Variants in CLVS1 observed in about 807,000 individuals in gnomAD.
CLVS1 encodes the protein clavesin 1, also known as clavesin-1.
In CLVS1, 10 loss-of-function variants were observed where a neutral mutation model predicts 33.1. The observed-to-expected ratio is 0.30, with a 90% CI of 0.19 to 0.51. The LOEUF is 0.51. Ranked by LOEUF, CLVS1 falls within the 20% of genes least tolerant of loss-of-function variation. The pLI, the probability that CLVS1 is intolerant of heterozygous loss-of-function variation, is 0.97. For synonymous variants in CLVS1, 163 were observed against 166.1 expected, an observed-to-expected ratio of 0.98 and a Z score of 0.14; for missense variants, 343 against 433.4, an observed-to-expected ratio of 0.79 and a Z score of 1.85.
At chr8:61,082,931 G>A (rs1030664223) in intron 1 of CLVS1, among the ~76,000 whole-genome samples, 1 of 152,090 alleles carries the variant, frequency 6.6e-6, no homozygotes, top group Non-Finnish European at 1.5e-5. Flanking sequence ...CAGCTACTAA[G>A]GAGGGTGAGA....
intron 2 of CLVS1, among the ~76,000 whole-genome samples, chr8:61,338,071 T>C (rs1047412727): frequency 1.3e-5 from 2 of 152,188 alleles, no homozygotes; most frequent in Non-Finnish European, 2.9e-5. Context: ...TTCAACAATG[T>C]TCAGTCTTTA....
At chr8:61,261,902 G>A (rs562729365) in intron 2 of CLVS1, among the ~76,000 whole-genome samples, 3 of 151,946 alleles carry the variant, frequency 2.0e-5, no homozygotes, top group Admixed American at 1.3e-4. Flanking sequence ...TTCAGGCAAG[G>A]TACCCACTCT....
At chr8:61,357,119 A>G (rs1383520755) in intron 2 of CLVS1, among the ~76,000 whole-genome samples, 2 of 152,138 alleles carry the variant, frequency 1.3e-5, no homozygotes, top group Non-Finnish European at 2.9e-5. Flanking sequence ...CTCCTTGAAG[A>G]GATCCTTCAC....
chr8:61,269,492 C>T (rs1196441254), intron 2 of CLVS1, among the ~76,000 whole-genome samples: 142 of 152,056 alleles, frequency 9.3e-4, no homozygotes, highest in African/African-American at 3.3e-3. Flanking sequence ...ATTGACTTGG[C>T]GATGCGGACT....
rs188754015 is a variant in CLVS1 at position 61,099,282 on chromosome 8, C to T, written c.-242-32488C>T. Among the ~76,000 whole-genome samples the T allele has an allele frequency of 4.6e-5, 7 of 152,070 alleles. No individual in the cohort carries two copies. The East Asian group carries it at 7.7e-4, about 17-fold the overall frequency. On this transcript the variant is annotated intron_variant, in intron 1 of 2. Coordinates refer to the CLVS1 transcript ENST00000522621. ...CATCCAAAAGGAGAGTTAATGTTTG[C>T]GGAGCCACTGAAGGCCTGGGATGGG... is the stretch of plus-strand genomic sequence containing the variant.
At chr8:60,966,481 C>T in the CLVS1 span, 1 of 432,980 alleles carries the variant, frequency 2.3e-6, no homozygotes, top group Non-Finnish European at 4.6e-6. Flanking sequence ...TAAATTATAG[C>T]CAAATTATAT....
the CLVS1 span, among the ~76,000 whole-genome samples, chr8:61,004,067 C>A: frequency 6.6e-6 from 1 of 152,096 alleles, no homozygotes; most frequent in Non-Finnish European, 1.5e-5. Context: ...AGAGAGGAGT[C>A]GATTCAGACA....
chr8:61,316,989 T>A (rs545701751), intron 2 of CLVS1, among the ~76,000 whole-genome samples: 1 of 152,330 alleles, frequency 6.6e-6, no homozygotes, highest in African/African-American at 2.4e-5. Context: ...TAGCACTCAA[T>A]AAAGGTCAAC....
At chr8:61,028,202 G>C in the CLVS1 span, among the ~76,000 whole-genome samples, 1 of 152,184 alleles carries the variant, frequency 6.6e-6, no homozygotes, top group African/African-American at 2.4e-5. Context: ...ATAGTGGAAG[G>C]GGATGTCGGG....
chr8:61,013,871 G>C, the CLVS1 span, among the ~76,000 whole-genome samples: 3 of 152,188 alleles, frequency 2.0e-5, no homozygotes, highest in Non-Finnish European at 4.4e-5. Flanking sequence ...GACGCAGCCT[G>C]TTGTGCTGCA....
At chr8:61,027,701 T>G in the CLVS1 span, among the ~76,000 whole-genome samples, 1 of 152,074 alleles carries the variant, frequency 6.6e-6, no homozygotes, top group Non-Finnish European at 1.5e-5. Flanking sequence ...CCCTCCCCAT[T>G]TGCATCAGAG....
At chr8:61,023,018 G>A in the CLVS1 span, among the ~76,000 whole-genome samples, 5 of 152,188 alleles carry the variant, frequency 3.3e-5, no homozygotes, top group African/African-American at 1.2e-4. Context: ...GATGAGCAAA[G>A]TTTCTAAATG....
At chr8:61,185,844 A>G (rs1386218) in intron 2 of CLVS1, among the ~76,000 whole-genome samples, 1 of 152,192 alleles carries the variant, frequency 6.6e-6, no homozygotes, top group Non-Finnish European at 1.5e-5. Flanking sequence ...TTCCAGAAGG[A>G]CCATGATAAT....
chr8:61,273,745 CCCGATTTTCCAGGTGCTG>C (rs1247594443), intron 2 of CLVS1, among the ~76,000 whole-genome samples: 1 of 152,228 alleles, frequency 6.6e-6, no homozygotes, highest in African/African-American at 2.4e-5. Context: ...GTGGGAGTGA[CCCGATTTTCCAGGTGCTG>C]CCCATCACCC....
chr8:61,196,355 G>C (rs1807607536), intron 2 of CLVS1, among the ~76,000 whole-genome samples: 1 of 152,122 alleles, frequency 6.6e-6, no homozygotes, highest in South Asian at 2.1e-4. Flanking sequence ...AAGCTTCTTG[G>C]TACTGTACCT....
At chr8:61,463,099 G>A (rs1817424162) in intron 5 of CLVS1, among the ~76,000 whole-genome samples, 2 of 152,162 alleles carry the variant, frequency 1.3e-5, no homozygotes, top group Non-Finnish European at 2.9e-5. Context: ...GCTTTACTTT[G>A]CACTTTTATG....
the CLVS1 span, among the ~76,000 whole-genome samples, chr8:60,973,954 TA>T: frequency 6.6e-6 from 1 of 152,208 alleles, no homozygotes; most frequent in Non-Finnish European, 1.5e-5. Flanking sequence ...TCTGTAATTT[TA>T]TTTTTATTCT....
intron 2 of CLVS1, among the ~76,000 whole-genome samples, chr8:61,171,381 C>A (rs1329451119): frequency 6.6e-6 from 1 of 152,052 alleles, no homozygotes; most frequent in African/African-American, 2.4e-5. Context: ...GAAATAATCA[C>A]AGCAGGGGTT....
the CLVS1 span, among the ~76,000 whole-genome samples, chr8:61,032,997 GAAAGAAAGAAA>G: frequency 4.5e-5 from 2 of 44,796 alleles, no homozygotes; most frequent in African/African-American, 8.2e-5. Flanking sequence ...AGGAAGGAAA[GAAAGAAAGAAA>G]GAAAGAAAGA....
Sources: gnomAD v4.1 joint callset for allele counts (sites outside exome capture counted in the v4.1 genomes callset) on GRCh38, gnomAD v4.1.1 for gene constraint, MANE v1.5 for transcripts, NCBI Gene and HGNC (gene_info 2026-07-23, HGNC 2026-07-21) for gene names.